NSD2: variants seen among roughly 807,000 people sequenced by gnomAD.
The protein encoded by NSD2 is nuclear receptor binding SET domain protein 2.
A neutral mutation model predicts 139.0 loss-of-function variants in NSD2; 12 were observed. The ratio of observed to expected loss-of-function variants is 0.09; its 90% CI spans 0.06 to 0.14. The LOEUF is 0.14. NSD2 is among the 10% of genes least tolerant of loss of function. The pLI is 1.00. For synonymous variants in NSD2, 669 were observed against 648.7 expected, an observed-to-expected ratio of 1.03 and a Z score of -0.48; for missense variants, 1,155 against 1,745.0, an observed-to-expected ratio of 0.66 and a Z score of 6.02.
At chr4:1,975,543 G>A in intron 20 of NSD2, 143 bp downstream of exon 20, 1 of 674,044 alleles carries the variant, frequency 1.5e-6, no homozygotes, top group Non-Finnish European at 2.6e-6. Context: ...GCTGTGGGCT[G>A]GGGAGGATGG....
chr4:1,975,071 T>C (rs1726928322), intron 19 of NSD2, 67 bp downstream of exon 19: 3 of 1,606,076 alleles, frequency 1.9e-6, no homozygotes, highest in Non-Finnish European at 2.6e-6. Context: ...CGCTGAGGGC[T>C]GCGTGGGGCT....
intron 5 of NSD2, among the ~76,000 whole-genome samples, chr4:1,927,542 A>G (rs1212074857): frequency 6.6e-6 from 1 of 151,780 alleles, no homozygotes; most frequent in Non-Finnish European, 1.5e-5. Context: ...ACATGGTGAA[A>G]CCCCCATCTC....
At chr4:1,886,453 C>G (rs1466007652) in intron 1 of NSD2, among the ~76,000 whole-genome samples, 1 of 152,208 alleles carries the variant, frequency 6.6e-6, no homozygotes, top group Non-Finnish European at 1.5e-5. Context: ...GTGATTCACT[C>G]ATCTTGGCCT....
intron 18 of NSD2, among the ~76,000 whole-genome samples, chr4:1,969,361 G>A (rs1479780467): frequency 6.6e-6 from 1 of 152,078 alleles, no homozygotes; most frequent in African/African-American, 2.4e-5. Flanking sequence ...GCCAGTACCC[G>A]CTCCAAGAAA....
chr4:1,892,659 C>G (rs1165076706), intron 1 of NSD2: 2 of 142,838 alleles, frequency 1.4e-5, no homozygotes, highest in Non-Finnish European at 2.9e-5. Context: ...TAACCTCCGC[C>G]TCGGGTTTGA....
chr4:1,976,259 C>T lies in NSD2; in HGVS notation c.3622-216C>T, dbSNP rs572439604. 3.5e-5 allele frequency: 20 copies of T among 578,876 alleles called. No homozygotes were observed. In the South Asian group the frequency reaches 4.2e-4, roughly 12 times the overall value. 35.9% of individuals were successfully genotyped at this position (578,876 alleles called of 1,614,324 possible). A position where few individuals can be genotyped will look rare whatever the true frequency, so the allele number is the denominator to read the frequency against. Reference sequence around the variant, plus strand: ...GTCATTGCAGGCTTCCGACAAAGCTCACTCTAGTCGTAGTCTTTGTTCAGC... The same window carrying T: ...GTCATTGCAGGCTTCCGACAAAGCTTACTCTAGTCGTAGTCTTTGTTCAGC... On this transcript the variant is annotated intron_variant, in intron 20 of 21. Transcript: ENST00000508803. This position sits in a 1 kb window ranked among gnomAD's most constrained non-coding sequence, Gnocchi z 5.3.
intron 18 of NSD2, among the ~76,000 whole-genome samples, chr4:1,962,226 G>A (rs1725442527): frequency 6.6e-6 from 1 of 151,908 alleles, no homozygotes; most frequent in African/African-American, 2.4e-5. Flanking sequence ...ACAGGTCGTG[G>A]GGCTTACACC....
At position 1,944,397 on chromosome 4, in the gene NSD2, T is replaced by C. The variant is rs73796613; in HGVS notation, c.1881+4619T>C. On this transcript the variant is annotated intron_variant, in intron 9 of 21. Coordinates refer to ENST00000508803, the MANE Select transcript of NSD2 (RefSeq NM_001042424.3). ...TCATTTCATAAGAACCTCAAAATAA[T>C]GGTGATACATTCTAGCCTTAAGACA... 0.012 allele frequency: 12,307 copies of C among 1,065,446 alleles called. 1,054 individuals carry two copies. The African/African-American group carries it at 0.18, about 16-fold the overall frequency. 66.0% of individuals were successfully genotyped at this position (1,065,446 alleles called of 1,614,324 possible). A position where few individuals can be genotyped will look rare whatever the true frequency, so the allele number is the denominator to read the frequency against.
chr4:1,873,836 G>T (rs560624968), intron 1 of NSD2, among the ~76,000 whole-genome samples: 3 of 152,144 alleles, frequency 2.0e-5, no homozygotes, highest in Admixed American at 2.0e-4. Flanking sequence ...TAATCCAAAC[G>T]TATTTTGTCC....
In NSD2 at chr4:1,951,171, G is replaced by A; in HGVS notation, c.1981G>A (p.Gly661Arg). The change falls in exon 10 of 22, where the codon GGA becomes AGA. Residue 661 changes from glycine (G) to arginine (R), a missense_variant. By Grantham distance (125) the Gly-to-Arg change is moderately radical. Coordinates refer to ENST00000508803, the MANE Select transcript of NSD2 (RefSeq NM_001042424.3). ...TGTCTCATCCAAAAAGTCTGAGCGA[G>A]GAGTGACTGCCAAAAAGGAGTATGT... ...VSVSSKKSERGVTAKKEYVCQ... is the reference protein window; with the variant it reads ...VSVSSKKSERRVTAKKEYVCQ... 6.2e-7 allele frequency: 1 copy of A among 1,614,214 alleles called. No individual in the cohort carries two copies. The highest frequency in any genetic ancestry group is 8.5e-7 in the Non-Finnish European group (1 of 1,180,036).
At chr4:1,878,252 T>TATATATA (rs869142339) in intron 1 of NSD2, among the ~76,000 whole-genome samples, 10 of 27,564 alleles carry the variant, frequency 3.6e-4, no homozygotes, top group East Asian at 1.3e-3. Flanking sequence ...TATATATATA[T>TATATATA]TTTTTTTTTT....
chr4:1,961,350 A>G (rs1181034637), intron 18 of NSD2, among the ~76,000 whole-genome samples, 199 bp downstream of exon 18: 2 of 152,200 alleles, frequency 1.3e-5, no homozygotes, highest in African/African-American at 2.4e-5. Context: ...ACCACCTCTC[A>G]GCACCCAGGC....
intron 1 of NSD2, among the ~76,000 whole-genome samples, chr4:1,890,968 A>T (rs1715486869): frequency 2.0e-5 from 3 of 151,834 alleles, no homozygotes; most frequent in Admixed American, 1.3e-4. Flanking sequence ...ATCTTGGCTC[A>T]CTGCAGTCTC....
rs956028867 is a variant in NSD2 at position 1,956,810 on chromosome 4, G to A, written c.2881+622G>A. On this transcript the variant is annotated intron_variant, in intron 15 of 21. Coordinates refer to ENST00000508803, the MANE Select transcript of NSD2 (RefSeq NM_001042424.3). This position sits in a 1 kb window ranked among gnomAD's most constrained non-coding sequence, Gnocchi z 5.3. ...GTGGCTCGTTCAGGGAGAAGCACAC[G>A]CTGTGTTGCAGCCGGGTCAGTGCTG... 4.6e-5 allele frequency among the ~76,000 whole-genome samples: 7 copies of A among 152,228 alleles called. No homozygotes were observed. The East Asian group carries it at 9.6e-4, about 21-fold the overall frequency.
chr4:1,914,843 A>G (rs1190548033), intron 3 of NSD2, among the ~76,000 whole-genome samples: 1 of 151,898 alleles, frequency 6.6e-6, no homozygotes, highest in Admixed American at 6.6e-5. Context: ...CTTTCACCCA[A>G]CCCCCAGCAG....
Position 1,978,874 on chromosome 4 carries a change from C to T in NSD2, c.4063C>T (p.Arg1355Trp), listed in dbSNP as rs201148179. 3.9e-5 allele frequency: 62 copies of T among 1,589,010 alleles called. No individual in the cohort carries two copies. The highest frequency in any genetic ancestry group is 6.9e-5 in the Admixed American group (4 of 57,804). ...PGKPKGKRRR[R>W]RGWRRVTEGK Reference sequence around the variant, plus strand: ...GAAGCCGAAGGGGAAGAGGCGGCGGCGGAGGGGCTGGCGGAGAGTCACAGA... The same window carrying T: ...GAAGCCGAAGGGGAAGAGGCGGCGGTGGAGGGGCTGGCGGAGAGTCACAGA... The change falls in exon 22 of 22, where the codon CGG (arginine) becomes TGG (tryptophan). Residue 1355 changes from arginine (R) to tryptophan (W), a missense_variant. Arg to Trp is a moderately radical substitution (Grantham distance 101). Coordinates refer to ENST00000508803, the MANE Select transcript of NSD2 (RefSeq NM_001042424.3).
At chr4:1,921,113 G>A (rs1720058614) in intron 5 of NSD2, among the ~76,000 whole-genome samples, 1 of 152,148 alleles carries the variant, frequency 6.6e-6, no homozygotes, top group South Asian at 2.1e-4. Flanking sequence ...ATCTGTTTAA[G>A]GATATGTATC....
intron 1 of NSD2, among the ~76,000 whole-genome samples, chr4:1,877,388 G>A (rs1410481241): frequency 2.0e-5 from 3 of 152,236 alleles, no homozygotes; most frequent in South Asian, 2.1e-4. Context: ...GGTTCAAGAC[G>A]AGTCTCTCAC....
chr4:1,914,464 T>C (rs1368261714), intron 3 of NSD2, among the ~76,000 whole-genome samples: 1 of 152,100 alleles, frequency 6.6e-6, no homozygotes, highest in Admixed American at 6.5e-5. Flanking sequence ...TAGCTGGGAC[T>C]ACGGGCACAC....
Sources: allele counts gnomAD v4.1 joint callset (sites outside exome capture counted in the v4.1 genomes callset), GRCh38; gene constraint gnomAD v4.1.1; non-coding constraint Gnocchi (gnomAD v3.1); transcripts MANE v1.5; gene names NCBI Gene and HGNC (gene_info 2026-07-23, HGNC 2026-07-21).